RABGAP1L: variants seen among roughly 807,000 people sequenced by gnomAD.
RABGAP1L encodes the protein RAB GTPase activating protein 1 like.
RABGAP1L carries 63 observed loss-of-function variants against 137.7 expected under a neutral mutation model. The observed-to-expected ratio is 0.46, with a 90% CI of 0.37 to 0.56. The LOEUF is 0.56. Ranked by LOEUF, RABGAP1L falls within the 20% of genes least tolerant of loss-of-function variation. The pLI is 0.00. For missense variants in RABGAP1L, 1,095 were observed against 1,244.0 expected, an observed-to-expected ratio of 0.88 and a Z score of 1.80; for synonymous variants, 431 against 433.7, an observed-to-expected ratio of 0.99 and a Z score of 0.08.
chr1:174,609,364 A>C (rs947488544), intron 13 of RABGAP1L, among the ~76,000 whole-genome samples: 5 of 152,182 alleles, frequency 3.3e-5, no homozygotes, highest in African/African-American at 1.2e-4. Context: ...ACAAATTCAG[A>C]CTTTAAAATT....
chr1:174,676,324 C>A (rs915009582), intron 14 of RABGAP1L, among the ~76,000 whole-genome samples: 1 of 151,928 alleles, frequency 6.6e-6, no homozygotes, highest in East Asian at 1.9e-4. Context: ...TTTACTGTTT[C>A]AGTTTTTTCA....
At chr1:174,645,007 A>G (rs1023518746) in intron 14 of RABGAP1L, among the ~76,000 whole-genome samples, 2 of 152,124 alleles carry the variant, frequency 1.3e-5, no homozygotes, top group Admixed American at 6.6e-5. Flanking sequence ...CATGAGCACT[A>G]TAGTTAATAA....
intron 18 of RABGAP1L, among the ~76,000 whole-genome samples, chr1:174,780,015 G>A (rs533633867): frequency 9.3e-5 from 14 of 151,276 alleles, no homozygotes; most frequent in Admixed American, 4.0e-4. Context: ...GCAGTGAGCC[G>A]AGATAGTGCC....
intron 13 of RABGAP1L, among the ~76,000 whole-genome samples, chr1:174,634,469 A>T (rs1673753715): frequency 7.4e-6 from 1 of 136,014 alleles, no homozygotes. Flanking sequence ...TGTGGAAGTC[A>T]GTGTGGCGAT....
At chr1:174,362,537 T>G (rs1684238709) in intron 11 of RABGAP1L, among the ~76,000 whole-genome samples, 1 of 152,220 alleles carries the variant, frequency 6.6e-6, no homozygotes, top group Admixed American at 6.5e-5. Context: ...ATCAGTGTTG[T>G]TGAGGTTTCT....
rs10556099 is a variant in RABGAP1L, at chr1:174,981,550, C to CTTTTTTTTTTTTTTTTTTTTTT, written c.2734-1274_2734-1253dup. ...AATTTCACATCCCCTGTTTTTCCAT[C>CTTTTTTTTTTTTTTTTTTTTTT]TTTTTTTTTTTTTTTTTTTTTTTTT... On this transcript the variant is annotated intron_variant, in intron 23 of 25. Transcript: ENST00000681986. Among the ~76,000 whole-genome samples, 12 of 66,432 alleles carry CTTTTTTTTTTTTTTTTTTTTTT rather than the reference C, an allele frequency of 1.8e-4. 3 individuals are homozygous for CTTTTTTTTTTTTTTTTTTTTTT. The highest frequency in any genetic ancestry group is 2.8e-4 in the Non-Finnish European group (11 of 38,852). The allele number at this position is 66,432 out of a possible 152,430, so 43.6% of individuals were successfully genotyped here.
At chr1:174,905,519 G>A (rs1028077203) in intron 19 of RABGAP1L, among the ~76,000 whole-genome samples, 5 of 151,626 alleles carry the variant, frequency 3.3e-5, no homozygotes, top group Non-Finnish European at 7.4e-5. Context: ...ACTAAACAGA[G>A]GAAAAAAAAA....
intron 19 of RABGAP1L, among the ~76,000 whole-genome samples, chr1:174,840,148 C>T (rs1693223515): frequency 1.3e-5 from 2 of 152,026 alleles, no homozygotes; most frequent in East Asian, 1.9e-4. Flanking sequence ...AGCATTTGGC[C>T]AGAAAGCATG....
chr1:174,895,364 G>A (rs1656951316), intron 19 of RABGAP1L, among the ~76,000 whole-genome samples: 1 of 150,046 alleles, frequency 6.7e-6, no homozygotes, highest in Non-Finnish European at 1.5e-5. Flanking sequence ...AATAATTTAA[G>A]ACAAAAGTAA....
At chr1:174,366,143 A>G (rs1684591146) in intron 11 of RABGAP1L, among the ~76,000 whole-genome samples, 1 of 152,224 alleles carries the variant, frequency 6.6e-6, no homozygotes, top group African/African-American at 2.4e-5. Context: ...TATTAATTTT[A>G]CTATCAAAAT....
intron 13 of RABGAP1L, among the ~76,000 whole-genome samples, chr1:174,394,452 G>A (rs965603569): frequency 6.6e-6 from 1 of 151,944 alleles, no homozygotes; most frequent in African/African-American, 2.4e-5. Flanking sequence ...TTTTTTAATT[G>A]TATGAGATTT....
At chr1:174,677,494 G>T (rs1677728614) in intron 14 of RABGAP1L, among the ~76,000 whole-genome samples, 1 of 152,140 alleles carries the variant, frequency 6.6e-6, no homozygotes, top group African/African-American at 2.4e-5. Flanking sequence ...AAGGAAGCTG[G>T]GGTAGACCTG....
intron 13 of RABGAP1L, among the ~76,000 whole-genome samples, chr1:174,600,510 A>G (rs1053650295): frequency 1.3e-5 from 2 of 152,342 alleles, no homozygotes; most frequent in South Asian, 2.1e-4. Flanking sequence ...CCTAGATACA[A>G]TGGGGTACAG....
At chr1:174,898,339 C>T (rs762105401) in intron 19 of RABGAP1L, among the ~76,000 whole-genome samples, 194 of 152,316 alleles carry the variant, frequency 1.3e-3, no homozygotes, top group Non-Finnish European at 2.4e-3. Flanking sequence ...CTTTCTGGCT[C>T]TAGGGCTGTG....
intron 20 of RABGAP1L, among the ~76,000 whole-genome samples, chr1:174,965,317 A>G (rs1350709002): frequency 6.6e-6 from 1 of 152,236 alleles, no homozygotes; most frequent in Non-Finnish European, 1.5e-5. Flanking sequence ...CTGCTTGTGC[A>G]AACTTACAGC....
intron 20 of RABGAP1L, among the ~76,000 whole-genome samples, chr1:174,963,035 G>A (rs1669304517): frequency 2.6e-5 from 4 of 151,972 alleles, no homozygotes; most frequent in Admixed American, 2.6e-4. Flanking sequence ...GGAGGCAGAG[G>A]TTGCAGTGGG....
chr1:174,569,497 AT>A (rs923700190), intron 13 of RABGAP1L, among the ~76,000 whole-genome samples: 17 of 152,274 alleles, frequency 1.1e-4, no homozygotes, highest in South Asian at 6.2e-4. Flanking sequence ...ACCTTTGGGC[AT>A]TTACATTAGA....
At chr1:174,844,292 C>T (rs796138719) in intron 19 of RABGAP1L, among the ~76,000 whole-genome samples, 1 of 127,440 alleles carries the variant, frequency 7.8e-6, no homozygotes, top group South Asian at 3.0e-4. Flanking sequence ...GACATGAAGT[C>T]CTTGCCCACA....
intron 18 of RABGAP1L, among the ~76,000 whole-genome samples, chr1:174,773,774 T>G (rs994353762): frequency 6.6e-6 from 1 of 152,228 alleles, no homozygotes; most frequent in African/African-American, 2.4e-5. Flanking sequence ...TTTCCACTTA[T>G]TCTGTCATAA....
Sources: gnomAD v4.1 joint callset for allele counts (sites outside exome capture counted in the v4.1 genomes callset) on GRCh38, gnomAD v4.1.1 for gene constraint, MANE v1.5 for transcripts, NCBI Gene and HGNC (gene_info 2026-07-23, HGNC 2026-07-21) for gene names.